Variants in FUCA1 observed in about 807,000 individuals in gnomAD.
FUCA1 encodes the protein tissue alpha-L-fucosidase.
In FUCA1, 52 loss-of-function variants were observed where a neutral mutation model predicts 56.8. The observed-to-expected ratio is 0.92, with a 90% CI of 0.73 to 1.15. The LOEUF is 1.15. FUCA1 is among the 50% of genes most tolerant of loss of function. FUCA1 has a pLI of 0.00. For missense variants in FUCA1, 568 were observed against 592.6 expected, an observed-to-expected ratio of 0.96 and a Z score of 0.43; for synonymous variants, 230 against 226.6, an observed-to-expected ratio of 1.02 and a Z score of -0.14.
intron 6 of FUCA1, among the ~76,000 whole-genome samples, chr1:23,847,615 T>C (rs2148438149): frequency 6.6e-6 from 1 of 152,264 alleles, no homozygotes; most frequent in Non-Finnish European, 1.5e-5. Context: ...CCCACTCTCA[T>C]CCCCAACCAT....
At chr1:23,861,301 C>T (rs190848553) in intron 3 of FUCA1, among the ~76,000 whole-genome samples, 59 of 114,942 alleles carry the variant, frequency 5.1e-4, no homozygotes, top group Admixed American at 4.6e-3. Context: ...CCAGCCTGGG[C>T]GACGGAGCGA....
intron 4 of FUCA1, among the ~76,000 whole-genome samples, chr1:23,859,405 A>G (rs1325893275): frequency 1.3e-5 from 2 of 152,130 alleles, no homozygotes; most frequent in Non-Finnish European, 2.9e-5. Flanking sequence ...TGTCTCTACT[A>G]AAAACACAAA....
chr1:23,853,018 T>C (rs1170728090), intron 5 of FUCA1, among the ~76,000 whole-genome samples: 1 of 145,056 alleles, frequency 6.9e-6, no homozygotes, highest in Non-Finnish European at 1.5e-5. Flanking sequence ...CGCCATCCCA[T>C]CTAGGAAGTG....
At chr1:23,865,351 C>G in intron 2 of FUCA1, 140 bp downstream of exon 2, 2 of 1,064,744 alleles carry the variant, frequency 1.9e-6, no homozygotes. Context: ...ACCTAGAAAA[C>G]ACACAGGAGT....
intron 1 of FUCA1, among the ~76,000 whole-genome samples, chr1:23,866,189 G>A (rs1479065387): frequency 1.3e-5 from 2 of 152,186 alleles, no homozygotes; most frequent in Admixed American, 1.3e-4. Context: ...GTGTGTGCCT[G>A]TAGTCCCAGG....
chr1:23,852,005 T>A (rs1041053533), intron 5 of FUCA1, among the ~76,000 whole-genome samples: 1 of 151,466 alleles, frequency 6.6e-6, no homozygotes, highest in African/African-American at 2.4e-5. Context: ...TGCACTTGTA[T>A]CCCAGAATTT....
chr1:23,846,710 T>A (rs1230612690), intron 6 of FUCA1, among the ~76,000 whole-genome samples: 2 of 152,002 alleles, frequency 1.3e-5, no homozygotes, highest in Non-Finnish European at 2.9e-5. Flanking sequence ...GGCTCCTGAG[T>A]AACTGGGATT....
At position 23,865,482 on chromosome 1, in the gene FUCA1, G is replaced by A. The variant is rs372309250; in HGVS notation, c.524+9C>T. The A allele has an allele frequency of 3.1e-6, 5 of 1,614,158 alleles. No homozygotes were observed. The highest frequency in any genetic ancestry group is 4.2e-6 in the Non-Finnish European group (5 of 1,180,026). On this transcript the variant is annotated intron_variant, in intron 2 of 7. Coordinates refer to ENST00000374479, the MANE Select transcript of FUCA1 (RefSeq NM_000147.5). Reference sequence around the variant, plus strand: ...AGAGATAACAGAGTAACCATCCCTGGACACTCACCTCTTCCGGAGAGCTGT... The same window carrying A: ...AGAGATAACAGAGTAACCATCCCTGAACACTCACCTCTTCCGGAGAGCTGT...
At chr1:23,865,126 GT>G (rs1217533076) in intron 2 of FUCA1, among the ~76,000 whole-genome samples, 6 of 152,200 alleles carry the variant, frequency 3.9e-5, no homozygotes, top group African/African-American at 1.4e-4. Context: ...GCATGGCTGT[GT>G]TCCAATCAAA....
In FUCA1 at chr1:23,845,969, A is replaced by T. The variant is rs1639130811; in HGVS notation, c.1260+105T>A. The T allele has an allele frequency of 2.4e-5, 36 of 1,525,070 alleles. No homozygotes were observed. In the South Asian group the frequency reaches 3.7e-4, roughly 16 times the overall value. 94.5% of individuals were successfully genotyped at this position (1,525,070 alleles called of 1,614,324 possible). ...GGGCCAGGGCAGGAAAGCCAGTCTA[A>T]AAGAGGTGTGAATATGGGAGAAACC... On this transcript the variant is annotated intron_variant, in intron 7 of 7. Coordinates refer to ENST00000374479, the MANE Select transcript of FUCA1 (RefSeq NM_000147.5).
In FUCA1 at chr1:23,845,574, A is replaced by G. The variant is rs1349017230; in HGVS notation, c.*141T>C. 9.6e-6 allele frequency: 9 copies of G among 938,922 alleles called. No homozygotes were observed. The highest frequency in any genetic ancestry group is 1.6e-5 in the African/African-American group (1 of 61,540). 58.2% of individuals were successfully genotyped at this position (938,922 alleles called of 1,614,324 possible). ...ATTTAGACATCAGGGTAATGTACTC[A>G]GTTCCTTTAATTAAAATGTGTTGGA... On this transcript the variant is annotated 3_prime_UTR_variant, in exon 8 of 8. Transcript: ENST00000374479.
At chr1:23,856,783 A>T (rs1234967562) in intron 4 of FUCA1, among the ~76,000 whole-genome samples, 1 of 151,930 alleles carries the variant, frequency 6.6e-6, no homozygotes, top group Non-Finnish European at 1.5e-5. Context: ...CAAGGTCAAG[A>T]GTTTCAAGAC....
At chr1:23,854,668 AGTG>A (rs1244071291) in intron 4 of FUCA1, 108 bp from the exon 5 acceptor site, 26 of 938,900 alleles carry the variant, frequency 2.8e-5, no homozygotes, top group Non-Finnish European at 4.1e-5. Context: ...AGTCTAGAGC[AGTG>A]GCTGTCAACT....
chr1:23,866,038 ATGGTG>A (rs1639617873), intron 1 of FUCA1, among the ~76,000 whole-genome samples: 1 of 152,226 alleles, frequency 6.6e-6, no homozygotes, highest in African/African-American at 2.4e-5. Context: ...CTGGCCAGGC[ATGGTG>A]GCTCACACCT....
Position 23,854,515 on chromosome 1 carries a change from G to A in FUCA1, c.814C>T (p.His272Tyr), listed in dbSNP as rs1557510069. The change falls in exon 5 of 8, where the codon CAC (histidine) becomes TAC (tyrosine). Residue 272 changes from histidine (H) to tyrosine (Y), a missense_variant. Coordinates refer to ENST00000374479, the MANE Select transcript of FUCA1 (RefSeq NM_000147.5). ...NDRWGQNCSC[H>Y]HGGYYNCEDK... ...TCACAGTTATAGTATCCTCCATGGTGACAGGAACAGTTCTGACCCCATCGG... is the reference window on the plus strand; with the variant it reads ...TCACAGTTATAGTATCCTCCATGGTAACAGGAACAGTTCTGACCCCATCGG... 1.9e-6 allele frequency: 3 copies of A among 1,614,016 alleles called. No individual in the cohort carries two copies. Among genetic ancestry groups the A allele is most frequent in the South Asian group, 2.2e-5 (2 of 91,072 alleles).
At chr1:23,853,173 G>T (rs1444970776) in intron 5 of FUCA1, among the ~76,000 whole-genome samples, 3 of 149,208 alleles carry the variant, frequency 2.0e-5, no homozygotes, top group African/African-American at 7.5e-5. Flanking sequence ...CCGCGACCCC[G>T]TCTGGGAGGT....
In FUCA1 at chr1:23,868,201, C is replaced by A. The variant is rs1639666097; in HGVS notation, c.86G>T (p.Arg29Leu). Residue 29 changes from arginine to leucine, a missense_variant, in exon 1 of 8, where the codon CGT becomes CTT. Physicochemically the swap from Arg to Leu is moderately radical, Grantham distance 102. Transcript: ENST00000374479. ...GTAGCGGCGCGGAGGCTGGGCCCGA[C>A]GCACCGACTCGGCCGCTCCGAGGAA... ...LLFLGAAESVRRAQPPRRYTP... is the reference protein window; with the variant it reads ...LLFLGAAESVLRAQPPRRYTP... 1 of 1,596,284 alleles carries A rather than the reference C, an allele frequency of 6.3e-7. No individual in the cohort carries two copies. Among genetic ancestry groups the A allele is most frequent in the Non-Finnish European group, 8.5e-7 (1 of 1,172,486 alleles).
intron 4 of FUCA1, among the ~76,000 whole-genome samples, chr1:23,856,924 G>A (rs1639402922): frequency 6.6e-6 from 1 of 151,756 alleles, no homozygotes; most frequent in South Asian, 2.1e-4. Flanking sequence ...CCCAGGAGGC[G>A]GAGGTTGCAG....
At chr1:23,856,023 G>A (rs765191589) in intron 4 of FUCA1, among the ~76,000 whole-genome samples, 12 of 152,148 alleles carry the variant, frequency 7.9e-5, no homozygotes, top group Non-Finnish European at 1.5e-4. Context: ...GTTTATGCCT[G>A]GTTACAAGAT....
Sources: allele counts gnomAD v4.1 joint callset (sites outside exome capture counted in the v4.1 genomes callset), GRCh38; gene constraint gnomAD v4.1.1; transcripts MANE v1.5; gene names NCBI Gene and HGNC (gene_info 2026-07-23, HGNC 2026-07-21).